The following PCDH11Y variants were observed in gnomAD, a reference collection of about 807,000 sequenced individuals.
PCDH11Y encodes the protein protocadherin-11 Y-linked.
For synonymous variants in PCDH11Y, 9 were observed against 83.6 expected, an observed-to-expected ratio of 0.11 and a Z score of 4.87; for missense variants, 12 against 224.8, an observed-to-expected ratio of 0.05 and a Z score of 6.05.
intron 1 of PCDH11Y, among the ~76,000 whole-genome samples, chrY:5,090,547 A>G: frequency 3.1e-5 from 1 of 32,665 alleles, no homozygotes; most frequent in Non-Finnish European, 7.6e-5. Context: ...TTCAATAAAC[A>G]TTACTTTTAG....
chrY:5,738,630 T>TA (rs2053613760), exon 5 of PCDH11Y: 1 of 31,719 alleles, frequency 3.2e-5, no homozygotes, highest in Non-Finnish European at 7.7e-5. Context: ...CCTATTTCTC[T>TA]ACTCTTTAGT....
chrY:5,460,568 T>G, intron 2 of PCDH11Y, among the ~76,000 whole-genome samples: 1 of 32,477 alleles, frequency 3.1e-5, no homozygotes, highest in Non-Finnish European at 7.6e-5. Context: ...GATGAGTTAT[T>G]TCTGCTTCCA....
intron 2 of PCDH11Y, among the ~76,000 whole-genome samples, chrY:5,177,135 A>G (rs2052894558): frequency 2.9e-5 from 1 of 33,934 alleles, no homozygotes; most frequent in Non-Finnish European, 7.3e-5. Flanking sequence ...GAAAAATATA[A>G]AACTGCCAAA....
intron 2 of PCDH11Y, among the ~76,000 whole-genome samples, chrY:5,275,332 A>G: frequency 6.2e-5 from 2 of 32,254 alleles, no homozygotes; most frequent in Non-Finnish European, 1.5e-4. Flanking sequence ...CGAATAATAC[A>G]TATTTTTAAT....
At chrY:5,208,476 C>A (rs2052934649) in intron 2 of PCDH11Y, among the ~76,000 whole-genome samples, 1 of 33,420 alleles carries the variant, frequency 3.0e-5, no homozygotes, top group South Asian at 6.5e-4. Flanking sequence ...TATATGTAGA[C>A]TGTGTTCTTA....
chrY:5,134,384 T>C (rs2052836757), intron 2 of PCDH11Y, among the ~76,000 whole-genome samples: 1 of 33,297 alleles, frequency 3.0e-5, no homozygotes, highest in Non-Finnish European at 7.4e-5. Context: ...CTTCCAGTAC[T>C]GTGTTGAATA....
intron 2 of PCDH11Y, among the ~76,000 whole-genome samples, chrY:5,196,316 G>A: frequency 9.1e-5 from 3 of 32,970 alleles, no homozygotes; most frequent in Non-Finnish European, 2.2e-4. Context: ...AAAACATGGA[G>A]AGAACTTGTT....
At chrY:5,129,872 C>T (rs2052831547) in intron 2 of PCDH11Y, among the ~76,000 whole-genome samples, 1 of 32,705 alleles carries the variant, frequency 3.1e-5, no homozygotes, top group Non-Finnish European at 7.5e-5. Context: ...CTCTGAAAGG[C>T]CACATTGTGT....
intron 4 of PCDH11Y, among the ~76,000 whole-genome samples, chrY:5,700,466 T>G: frequency 3.1e-5 from 1 of 32,538 alleles, no homozygotes; most frequent in African/African-American, 1.2e-4. Flanking sequence ...GGGGATAGTT[T>G]TTGCCCATAC....
chrY:5,449,669 G>C, intron 2 of PCDH11Y, among the ~76,000 whole-genome samples: 6 of 32,788 alleles, frequency 1.8e-4, no homozygotes. Flanking sequence ...TGGACTAGTA[G>C]CAACCAAATG....
At chrY:5,486,370 G>C in intron 2 of PCDH11Y, among the ~76,000 whole-genome samples, 2 of 31,878 alleles carry the variant, frequency 6.3e-5, no homozygotes, top group Non-Finnish European at 1.5e-4. Context: ...ATGTAATTCA[G>C]ATCTTGTTTA....
intron 2 of PCDH11Y, among the ~76,000 whole-genome samples, chrY:5,267,037 A>T (rs2053027401): frequency 1.3e-4 from 4 of 31,362 alleles, no homozygotes; most frequent in South Asian, 1.4e-3. Context: ...TTCTGACAAA[A>T]TTTTTTTTCT....
intron 4 of PCDH11Y, among the ~76,000 whole-genome samples, chrY:5,592,525 G>A: frequency 6.3e-5 from 2 of 31,668 alleles, no homozygotes; most frequent in Non-Finnish European, 1.5e-4. Flanking sequence ...TACGTTCAAG[G>A]TTAGTACTGA....
At chrY:5,459,210 T>A (rs2053301103) in intron 2 of PCDH11Y, among the ~76,000 whole-genome samples, 14 of 33,096 alleles carry the variant, frequency 4.2e-4, no homozygotes, top group African/African-American at 1.6e-3. Context: ...CTAGTTCTTT[T>A]CTACTTGTCT....
chrY:5,294,917 A>C, intron 2 of PCDH11Y, among the ~76,000 whole-genome samples: 1 of 32,983 alleles, frequency 3.0e-5, no homozygotes, highest in Admixed American at 2.8e-4. Flanking sequence ...ATTTCCCTTT[A>C]GTATTTCTTA....
intron 2 of PCDH11Y, among the ~76,000 whole-genome samples, chrY:5,297,968 CT>C (rs2053077116): frequency 5.9e-5 from 2 of 33,860 alleles, no homozygotes; most frequent in South Asian, 6.6e-4. Context: ...CTCTTTACAA[CT>C]GTGGCAATAT....
chrY:5,682,479 T>A, intron 4 of PCDH11Y, among the ~76,000 whole-genome samples: 1 of 27,448 alleles, frequency 3.6e-5, no homozygotes, highest in East Asian at 9.6e-4. Flanking sequence ...AGGAGAGAGG[T>A]GCAACACACT....
chrY:5,382,861 T>C (rs2053206503), intron 2 of PCDH11Y, among the ~76,000 whole-genome samples: 1 of 33,739 alleles, frequency 3.0e-5, no homozygotes, highest in Non-Finnish European at 7.3e-5. Flanking sequence ...AAAGTCTTTC[T>C]GCTCTGGACT....
intron 4 of PCDH11Y, among the ~76,000 whole-genome samples, chrY:5,686,945 T>G: frequency 3.4e-5 from 1 of 29,633 alleles, no homozygotes; most frequent in Non-Finnish European, 8.0e-5. Context: ...GGCTGTTGGT[T>G]TGTTCTCACT....
Sources: gnomAD v4.1 joint callset for allele counts (sites outside exome capture counted in the v4.1 genomes callset) on GRCh38, gnomAD v4.1.1 for gene constraint, MANE v1.5 for transcripts, NCBI Gene and HGNC (gene_info 2026-07-23, HGNC 2026-07-21) for gene names.